The following KCNB2 variants were observed in gnomAD, a reference collection of about 807,000 sequenced individuals.
KCNB2 encodes delayed rectifier potassium channel protein.
Under a neutral mutation model 61.5 loss-of-function variants are expected in KCNB2, and 15 were observed. The observed-to-expected ratio is 0.24, with a 90% CI of 0.16 to 0.38. The LOEUF is 0.38. KCNB2 is among the 10% of genes least tolerant of loss of function. KCNB2 has a pLI of 1.00. For synonymous variants in KCNB2, 457 were observed against 446.0 expected, an observed-to-expected ratio of 1.02 and a Z score of -0.31; for missense variants, 828 against 1,125.2, an observed-to-expected ratio of 0.74 and a Z score of 3.78.
chr8:72,725,539 A>ATATATATG (rs1554587031), intron 2 of KCNB2, among the ~76,000 whole-genome samples: 1 of 38,440 alleles, frequency 2.6e-5, no homozygotes, highest in African/African-American at 6.3e-5. Flanking sequence ...ATATATATAT[A>ATATATATG]TGTGTGTATA....
chr8:72,814,827 G>A (rs1265908898), intron 2 of KCNB2, among the ~76,000 whole-genome samples: 3 of 152,110 alleles, frequency 2.0e-5, no homozygotes, highest in Non-Finnish European at 2.9e-5. Context: ...AATAATAATT[G>A]CTTTGAATAA....
At chr8:72,749,544 A>G (rs1316088920) in intron 2 of KCNB2, 1 of 151,890 alleles carries the variant, frequency 6.6e-6, no homozygotes, top group Admixed American at 6.6e-5. Context: ...ATCTCAGCAA[A>G]GGAACAAGAA....
At chr8:72,724,892 T>A (rs1807607437) in intron 2 of KCNB2, among the ~76,000 whole-genome samples, 1 of 152,180 alleles carries the variant, frequency 6.6e-6, no homozygotes, top group Non-Finnish European at 1.5e-5. Flanking sequence ...AGGTTGTCAT[T>A]CTGATAATAA....
intron 2 of KCNB2, among the ~76,000 whole-genome samples, chr8:72,740,726 A>G (rs1807938926): frequency 6.6e-6 from 1 of 152,194 alleles, no homozygotes; most frequent in African/African-American, 2.4e-5. Context: ...CCCTCAGCCT[A>G]TCTTTAAATC....
At chr8:72,767,168 G>T (rs961683729) in intron 2 of KCNB2, among the ~76,000 whole-genome samples, 6 of 152,088 alleles carry the variant, frequency 3.9e-5, no homozygotes, top group Non-Finnish European at 8.8e-5. Flanking sequence ...TTTGGGTGGG[G>T]ACACAGCCAA....
At chr8:72,712,738 C>T (rs1166140066) in intron 2 of KCNB2, among the ~76,000 whole-genome samples, 2 of 152,186 alleles carry the variant, frequency 1.3e-5, no homozygotes, top group Non-Finnish European at 2.9e-5. Context: ...GCATGAGCAA[C>T]ACAGAAGACA....
chr8:72,688,281 T>G (rs1806886671), intron 2 of KCNB2, among the ~76,000 whole-genome samples: 1 of 152,212 alleles, frequency 6.6e-6, no homozygotes. Context: ...CTTTCTGAAC[T>G]GATTTCTTAT....
At chr8:72,619,666 A>G (rs1436348567) in intron 2 of KCNB2, among the ~76,000 whole-genome samples, 5 of 151,866 alleles carry the variant, frequency 3.3e-5, no homozygotes, top group African/African-American at 1.2e-4. Flanking sequence ...ACTAATTTTC[A>G]TTTCAAGAAT....
At chr8:72,819,248 T>C (rs1488099949) in intron 2 of KCNB2, among the ~76,000 whole-genome samples, 1 of 151,734 alleles carries the variant, frequency 6.6e-6, no homozygotes, top group African/African-American at 2.4e-5. Context: ...CACTACCCAG[T>C]CACTAAGCTA....
intron 1 of KCNB2, among the ~76,000 whole-genome samples, chr8:72,554,528 A>G (rs568867296): frequency 1.3e-5 from 2 of 152,152 alleles, no homozygotes; most frequent in South Asian, 2.1e-4. Flanking sequence ...TTTAAATTGT[A>G]TATTTATTTT....
chr8:72,888,831 A>C (rs1805849773), intron 2 of KCNB2, among the ~76,000 whole-genome samples: 1 of 152,198 alleles, frequency 6.6e-6, no homozygotes, highest in Non-Finnish European at 1.5e-5. Flanking sequence ...AGACATATAG[A>C]AAAATAACAG....
intron 2 of KCNB2, among the ~76,000 whole-genome samples, chr8:72,745,048 C>T (rs1808034584): frequency 1.3e-5 from 2 of 152,170 alleles, no homozygotes; most frequent in Non-Finnish European, 2.9e-5. Context: ...GAACCCAGCA[C>T]ACTGCTACTG....
chr8:72,603,087 G>T (rs1161354806), intron 2 of KCNB2, among the ~76,000 whole-genome samples: 8 of 152,102 alleles, frequency 5.3e-5, no homozygotes, highest in Admixed American at 1.3e-4. Flanking sequence ...GACATCTCTT[G>T]CATAGCCTTC....
At chr8:72,666,765 G>C (rs1437803528) in intron 2 of KCNB2, among the ~76,000 whole-genome samples, 2 of 150,696 alleles carry the variant, frequency 1.3e-5, no homozygotes, top group Admixed American at 1.3e-4. Context: ...CTATTCTCCT[G>C]CCTCAGCCTC....
intron 1 of KCNB2, among the ~76,000 whole-genome samples, chr8:72,539,893 G>A (rs992677845): frequency 3.3e-5 from 5 of 152,074 alleles, no homozygotes; most frequent in Admixed American, 1.3e-4. Flanking sequence ...AGGCAATAGG[G>A]CAACTTCCTG....
At chr8:72,683,065 C>T (rs1806788731) in intron 2 of KCNB2, among the ~76,000 whole-genome samples, 1 of 152,168 alleles carries the variant, frequency 6.6e-6, no homozygotes, top group South Asian at 2.1e-4. Context: ...ATCACAGGCT[C>T]TGGTTTGATT....
At chr8:72,621,250 C>T (rs2128984221) in intron 2 of KCNB2, among the ~76,000 whole-genome samples, 1 of 152,280 alleles carries the variant, frequency 6.6e-6, no homozygotes, top group Middle Eastern at 3.4e-3. Flanking sequence ...GTAACGACCT[C>T]CCATACATAC....
chr8:72,739,140 C>T (rs1162059055), intron 2 of KCNB2, among the ~76,000 whole-genome samples: 1 of 151,898 alleles, frequency 6.6e-6, no homozygotes, highest in African/African-American at 2.4e-5. Flanking sequence ...CATAATCACT[C>T]TGACCTACTA....
intron 2 of KCNB2, among the ~76,000 whole-genome samples, chr8:72,801,323 T>A (rs892479976): frequency 6.6e-6 from 1 of 152,196 alleles, no homozygotes; most frequent in Non-Finnish European, 1.5e-5. Context: ...AACATAACAT[T>A]TTAATTCTGT....
Sources: gnomAD v4.1 joint callset for allele counts (sites outside exome capture counted in the v4.1 genomes callset) on GRCh38, gnomAD v4.1.1 for gene constraint, MANE v1.5 for transcripts, NCBI Gene and HGNC (gene_info 2026-07-23, HGNC 2026-07-21) for gene names.